The following RTL4 variants were observed in gnomAD, a reference collection of about 807,000 sequenced individuals.
The protein encoded by RTL4 is retrotransposon Gag-like protein 4.
Under a neutral mutation model 5.3 loss-of-function variants are expected in RTL4, and 4 were observed. The ratio of observed to expected loss-of-function variants is 0.75; its 90% CI spans 0.37 to 1.72. The LOEUF (loss-of-function observed/expected upper bound fraction) is 1.72, where lower values mean the gene tolerates loss of function less well. Among genes scored for constraint, RTL4 ranks in the 40% most tolerant of loss-of-function variants. The pLI is 0.04. For missense variants in RTL4, 260 were observed against 227.1 expected (o/e 1.14, Z -0.93); for synonymous variants, 98 against 87.3 (o/e 1.12, Z -0.68).
At chrX:112,102,965 GC>G in the RTL4 span, among the ~76,000 whole-genome samples, 1 of 111,935 alleles carries the variant, frequency 8.9e-6, no homozygotes, top group African/African-American at 3.2e-5. Context: ...AAAAAAGAAC[GC>G]TTTTACATTG....
At chrX:112,153,746 A>G in the RTL4 span, among the ~76,000 whole-genome samples, 2 of 111,639 alleles carry the variant, frequency 1.8e-5, no homozygotes, top group African/African-American at 6.5e-5. Flanking sequence ...AGGTAGAGGA[A>G]ACTAGGTACC....
the RTL4 span, among the ~76,000 whole-genome samples, chrX:112,275,707 G>A: frequency 3.6e-5 from 4 of 111,423 alleles, no homozygotes; most frequent in East Asian, 2.8e-4. Flanking sequence ...AGGCCAAGGC[G>A]GGCAGATTGC....
At chrX:112,342,772 C>T in the RTL4 span, among the ~76,000 whole-genome samples, 21 of 111,516 alleles carry the variant, frequency 1.9e-4, no homozygotes, top group Non-Finnish European at 2.6e-4. Context: ...GTGGAGGGGT[C>T]GGAAAGTGAG....
the RTL4 span, among the ~76,000 whole-genome samples, chrX:112,271,909 T>C: frequency 1.8e-5 from 2 of 111,981 alleles, no homozygotes; most frequent in African/African-American, 6.5e-5. Context: ...TATACTCTTT[T>C]AGTTATGTTA....
At chrX:112,162,551 C>T in the RTL4 span, among the ~76,000 whole-genome samples, 1 of 111,722 alleles carries the variant, frequency 9.0e-6, no homozygotes, top group Non-Finnish European at 1.9e-5. Context: ...TTCCAGCATA[C>T]TGTATTTCCT....
At chrX:112,246,706 T>G in the RTL4 span, among the ~76,000 whole-genome samples, 1 of 111,492 alleles carries the variant, frequency 9.0e-6, no homozygotes, top group East Asian at 2.9e-4. Context: ...CTGCTTCAGC[T>G]CACCCTCTGT....
chrX:112,157,903 A>G, the RTL4 span, among the ~76,000 whole-genome samples: 8 of 111,704 alleles, frequency 7.2e-5, no homozygotes, highest in Admixed American at 7.6e-4. Flanking sequence ...TGGCTGTTTA[A>G]AAACTCACCT....
chrX:112,432,071 T>A, the RTL4 span, among the ~76,000 whole-genome samples: 3 of 106,699 alleles, frequency 2.8e-5, no homozygotes, highest in African/African-American at 1.0e-4. Context: ...CATCATTTTT[T>A]ATGGCTGCAT....
chrX:112,326,173 G>C, the RTL4 span, among the ~76,000 whole-genome samples: 1 of 111,885 alleles, frequency 8.9e-6, no homozygotes, highest in Non-Finnish European at 1.9e-5. Flanking sequence ...AATAGGAACA[G>C]TTCCAGTCTA....
chrX:112,247,840 A>T, the RTL4 span, among the ~76,000 whole-genome samples: 1 of 111,620 alleles, frequency 9.0e-6, no homozygotes, highest in Admixed American at 9.5e-5. Flanking sequence ...TGAGGGTCCT[A>T]TTGGCCTCAA....
At chrX:112,165,459 G>A in the RTL4 span, among the ~76,000 whole-genome samples, 16 of 111,094 alleles carry the variant, frequency 1.4e-4, no homozygotes, top group Middle Eastern at 4.6e-3. Flanking sequence ...GCACATAGTA[G>A]GTCCTTAACA....
chrX:112,296,785 T>TG, the RTL4 span, among the ~76,000 whole-genome samples: 5 of 106,765 alleles, frequency 4.7e-5, no homozygotes, highest in South Asian at 2.2e-3. Context: ...AATTTTTTTT[T>TG]TTTTTGTATT....
the RTL4 span, among the ~76,000 whole-genome samples, chrX:112,298,050 T>G: frequency 1.8e-5 from 2 of 111,623 alleles, no homozygotes; most frequent in Admixed American, 1.9e-4. Flanking sequence ...GTAGATGGGA[T>G]AACATAGTGG....
At chrX:112,302,872 T>A in the RTL4 span, among the ~76,000 whole-genome samples, 2,387 of 112,445 alleles carry the variant, frequency 0.021, 71 homozygotes, top group African/African-American at 0.074. Context: ...TCATTATTTT[T>A]AAAAAATTAC....
the RTL4 span, among the ~76,000 whole-genome samples, chrX:112,327,452 G>C: frequency 2.7e-5 from 3 of 110,242 alleles, no homozygotes; most frequent in Non-Finnish European, 3.8e-5. Flanking sequence ...GGGAAGTTTA[G>C]AGAAAAAAGA....
At chrX:112,428,557 G>A in the RTL4 span, among the ~76,000 whole-genome samples, 8 of 111,228 alleles carry the variant, frequency 7.2e-5, no homozygotes, top group African/African-American at 2.6e-4. Context: ...TTGTCAAGGG[G>A]TATTTTCTGA....
At chrX:112,340,988 G>A in the RTL4 span, among the ~76,000 whole-genome samples, 3 of 111,436 alleles carry the variant, frequency 2.7e-5, no homozygotes, top group Non-Finnish European at 5.6e-5. Context: ...AAAGTGCTGG[G>A]ATTACAAGCA....
chrX:112,220,443 A>G, the RTL4 span, among the ~76,000 whole-genome samples: 67 of 112,704 alleles, frequency 5.9e-4, no homozygotes, highest in Non-Finnish European at 9.8e-4. Flanking sequence ...TTCCCTCCCA[A>G]GCCTCTGGGC....
chrX:112,191,877 C>T, the RTL4 span, among the ~76,000 whole-genome samples: 2 of 111,679 alleles, frequency 1.8e-5, no homozygotes, highest in African/African-American at 3.3e-5. Context: ...AACCCACAAA[C>T]ATGGAATGTC....
Sources: allele counts gnomAD v4.1 joint callset (sites outside exome capture counted in the v4.1 genomes callset), GRCh38; gene constraint gnomAD v4.1.1; transcripts MANE v1.5; gene names NCBI Gene and HGNC (gene_info 2026-07-23, HGNC 2026-07-21).